MIA2: variants seen among roughly 807,000 people sequenced by gnomAD.
MIA2 encodes the protein MIA SH3 domain ER export factor 2.
A neutral mutation model predicts 167.8 loss-of-function variants in MIA2; 127 were observed. The observed-to-expected ratio is 0.76, with a 90% confidence interval of 0.66 to 0.88. The LOEUF (loss-of-function observed/expected upper bound fraction) is 0.88. Among genes scored for constraint, MIA2 ranks in the 40% least tolerant of loss-of-function variants. MIA2 has a pLI of 0.00. For synonymous variants in MIA2, 552 were observed against 541.9 expected (o/e 1.02, Z -0.26); for missense variants, 1,690 against 1,624.7 (o/e 1.04, Z -0.69).
intron 9 of MIA2, among the ~76,000 whole-genome samples, chr14:39,285,698 G>A (rs1471340975): frequency 1.6e-4 from 14 of 89,242 alleles, no homozygotes; most frequent in East Asian, 9.6e-4. Context: ...GGTGGCTGCC[G>A]GGCGGAGACG....
chr14:39,255,169 C>T (rs2054763016), intron 6 of MIA2, among the ~76,000 whole-genome samples: 1 of 152,048 alleles, frequency 6.6e-6, no homozygotes, highest in South Asian at 2.1e-4. Context: ...TTAATTTATT[C>T]TGTATGATTT....
chr14:39,345,626 T>C (rs528447898), intron 25 of MIA2, among the ~76,000 whole-genome samples: 1 of 152,338 alleles, frequency 6.6e-6, no homozygotes, highest in South Asian at 2.1e-4. Flanking sequence ...AATTTACATA[T>C]ATATAAAACT....
intron 25 of MIA2, among the ~76,000 whole-genome samples, chr14:39,338,794 GTAGTT>G (rs1159039975): frequency 1.3e-5 from 2 of 152,198 alleles, no homozygotes; most frequent in Non-Finnish European, 2.9e-5. Context: ...TGGTAAGAAA[GTAGTT>G]TAAATTGTCC....
chr14:39,373,836 A>C (rs573380957), intron 23 of MIA2, among the ~76,000 whole-genome samples: 53 of 152,192 alleles, frequency 3.5e-4, no homozygotes, highest in African/African-American at 1.2e-3. Context: ...AAAAAATAAA[A>C]AATAAAAAAT....
At chr14:39,301,555 T>C (rs2062501850) in intron 14 of MIA2, among the ~76,000 whole-genome samples, 1 of 152,318 alleles carries the variant, frequency 6.6e-6, no homozygotes, top group East Asian at 1.9e-4. Context: ...GCATTATTTT[T>C]AGGTGGGTCC....
At position 39,302,116 on chromosome 14, in the gene MIA2, G is replaced by T. The variant is rs1409334143; in HGVS notation, c.2620-13G>T. 1 of 1,611,130 alleles carries T rather than the reference G, an allele frequency of 6.2e-7. No homozygotes were observed. The highest frequency in any genetic ancestry group is 8.5e-7 in the Non-Finnish European group (1 of 1,178,488). On this transcript the variant is annotated splice_polypyrimidine_tract_variant and intron_variant, in intron 14 of 28. Coordinates refer to ENST00000640607, the MANE Select transcript of MIA2 (RefSeq NM_001329214.4). ...ATTACCCTCTCTATTTTTCCCCTTT[G>T]TTCAATGTCAAGACTCTGACTGAAC...
rs770712900 is a variant in MIA2 at position 39,247,449 on chromosome 14, C to A, written c.875C>A (p.Ser292Tyr). 1 of 1,613,936 alleles carries A rather than the reference C, an allele frequency of 6.2e-7. No individual in the cohort carries two copies. The highest frequency in any genetic ancestry group is 1.7e-4 in the Middle Eastern group (1 of 6,060). ...ATTGATTCAGTGCCAAAGACACAGT[C>A]TGAACTAGCATCTGAGTCAGAGCAC... ...SEIDSVPKTQ[S>Y]ELASESEHIP... is the part of the protein sequence containing the mutation. The change falls in exon 4 of 29, where the codon TCT becomes TAT. Residue 292 changes from serine to tyrosine, a missense_variant. Physicochemically the swap from Ser to Tyr is moderately radical, Grantham distance 144 (BLOSUM62 -2). Transcript: ENST00000640607.
intron 9 of MIA2, among the ~76,000 whole-genome samples, chr14:39,284,735 GTTTTCTTTTT>G (rs976676422): frequency 2.7e-5 from 4 of 150,176 alleles, no homozygotes; most frequent in Non-Finnish European, 5.9e-5. Flanking sequence ...AAATAGGATT[GTTTTCTTTTT>G]TTTTCTTTTT....
At chr14:39,337,586 G>C (rs924569371) in intron 25 of MIA2, among the ~76,000 whole-genome samples, 1 of 152,142 alleles carries the variant, frequency 6.6e-6, no homozygotes, top group Non-Finnish European at 1.5e-5. Flanking sequence ...TATACAGTAT[G>C]TTCTTTGATC....
At chr14:39,256,172 T>C (rs1461621285) in intron 6 of MIA2, among the ~76,000 whole-genome samples, 3 of 152,212 alleles carry the variant, frequency 2.0e-5, no homozygotes, top group African/African-American at 7.2e-5. Flanking sequence ...TACATAGACA[T>C]GGACTCTCCA....
rs2058355345 is a variant in MIA2 at position 39,277,762 on chromosome 14, A to ATGTGTG, written c.2019+698_2019+699insGTGTGT. On this transcript the variant is annotated intron_variant, in intron 7 of 28. Transcript: ENST00000640607. ...TATATATGTGTGTATATATATATAT[A>ATGTGTG]TATATATATATATATATATTTATAT... Among the ~76,000 whole-genome samples, 9 of 35,354 alleles carry ATGTGTG rather than the reference A, an allele frequency of 2.5e-4. 2 individuals are homozygous for ATGTGTG. The highest frequency in any genetic ancestry group is 7.5e-4 in the Admixed American group (2 of 2,670). The allele number at this position is 35,354 out of a possible 152,430, so 23.2% of individuals were successfully genotyped here. A position where few individuals can be genotyped will look rare whatever the true frequency, so the allele number is the denominator to read the frequency against.
rs148147813 is a variant in MIA2 at position 39,254,616 on chromosome 14, G to A, written c.1887+1445G>A. Among the ~76,000 whole-genome samples the A allele has an allele frequency of 5.4e-3, 825 of 152,286 alleles. 6 individuals carry two copies. Among genetic ancestry groups the A allele is most frequent in the African/African-American group, 0.019 (779 of 41,558 alleles). On this transcript the variant is annotated intron_variant, in intron 6 of 28. Transcript: ENST00000640607. ...CTGTAGCCAACTAGAGATTGTATGC[G>A]CTGTCTAAAGGATAAAGGTACTACT...
chr14:39,355,621 G>C (rs975813438), downstream of MIA2, among the ~76,000 whole-genome samples: 16 of 152,250 alleles, frequency 1.1e-4, no homozygotes, highest in Admixed American at 1.0e-3. Context: ...GGGCATCCCT[G>C]TCTTGTGCCA....
At chr14:39,268,638 G>A (rs1038190614) in intron 6 of MIA2, among the ~76,000 whole-genome samples, 5 of 152,176 alleles carry the variant, frequency 3.3e-5, no homozygotes, top group African/African-American at 1.2e-4. Flanking sequence ...GCTCTTGAAG[G>A]CTTTTCCGTG....
At chr14:39,277,732 A>T (rs1326584027) in intron 7 of MIA2, among the ~76,000 whole-genome samples, 4 of 4,234 alleles carry the variant, frequency 9.4e-4, no homozygotes, top group African/African-American at 4.5e-3. Flanking sequence ...ATATATATAT[A>T]TATATATATA....
intron 6 of MIA2, chr14:39,267,387 G>C: frequency 4.4e-6 from 7 of 1,604,750 alleles, no homozygotes; most frequent in Non-Finnish European, 5.9e-6. Context: ...CGAAGGCTGT[G>C]TGTTCTCCGC....
chr14:39,245,331 T>G (rs2054248397), intron 3 of MIA2, among the ~76,000 whole-genome samples: 1 of 152,132 alleles, frequency 6.6e-6, no homozygotes, highest in Non-Finnish European at 1.5e-5. Flanking sequence ...AGAAGAAGAA[T>G]TAATTGTCTT....
At chr14:39,264,525 A>G (rs1594753783) in intron 6 of MIA2, among the ~76,000 whole-genome samples, 1 of 152,238 alleles carries the variant, frequency 6.6e-6, no homozygotes, top group South Asian at 2.1e-4. Context: ...CTATTTTACA[A>G]TTGAGGAGCC....
intron 1 of MIA2, among the ~76,000 whole-genome samples, chr14:39,235,392 T>G (rs1200568409): frequency 1.3e-5 from 2 of 152,180 alleles, no homozygotes; most frequent in East Asian, 3.8e-4. Flanking sequence ...ACATAAATAA[T>G]TTATAAGTAA....
Sources: allele counts gnomAD v4.1 joint callset (sites outside exome capture counted in the v4.1 genomes callset), GRCh38; gene constraint gnomAD v4.1.1; transcripts MANE v1.5; gene names NCBI Gene and HGNC (gene_info 2026-07-23, HGNC 2026-07-21).